The following SOX5 variants were observed in gnomAD, a reference collection of about 807,000 sequenced individuals.
SOX5 encodes the protein SRY-box transcription factor 5, also known as transcription factor SOX-5.
Under a neutral mutation model 92.0 loss-of-function variants are expected in SOX5, and 9 were observed. The observed-to-expected ratio is 0.10, with a 90% CI of 0.06 to 0.17. The LOEUF (loss-of-function observed/expected upper bound fraction) is 0.17. SOX5 is among the 10% of genes least tolerant of loss of function. The probability of loss-of-function intolerance (pLI) is 1.00; values close to 1 mark genes in which losing one functional copy is unlikely to be tolerated. For synonymous variants in SOX5, 344 were observed against 336.3 expected, an observed-to-expected ratio of 1.02 and a Z score of -0.25; for missense variants, 642 against 944.5, an observed-to-expected ratio of 0.68 and a Z score of 4.20.
chr12:24,197,266 T>C (rs1363353906), intron 4 of SOX5, among the ~76,000 whole-genome samples: 2 of 152,180 alleles, frequency 1.3e-5, no homozygotes, highest in African/African-American at 4.8e-5. Context: ...AGACTCTATA[T>C]AAAATATTCC....
Position 23,534,290 on chromosome 12 carries a change from C to T in SOX5, c.2221G>A (p.Glu741Lys), listed in dbSNP as rs1244483195. 3.7e-6 allele frequency: 6 copies of T among 1,614,132 alleles called. No individual in the cohort carries two copies. The highest frequency in any genetic ancestry group is 5.1e-6 in the Non-Finnish European group (6 of 1,179,992). Residue 741 changes from glutamate to lysine, a missense_variant, in exon 15 of 15, where the codon GAG becomes AAG. Around this residue, in one of 8 missense-constraint regions of SOX5, gnomAD observed 130 missense variants for 140.6 expected, o/e 0.92. Coordinates refer to ENST00000451604, the MANE Select transcript of SOX5 (RefSeq NM_006940.6). Reference sequence around the variant, plus strand: ...TCTACATCTGGATCATCCTCTTCCTCGTCGTACTCATCATAAATTTCTCCA... The same window carrying T: ...TCTACATCTGGATCATCCTCTTCCTTGTCGTACTCATCATAAATTTCTCCA... ...INGEIYDEYD[E>K]EEDDPDVDYG...
intron 1 of SOX5, chr12:23,920,249 AAT>A (rs1937763331): frequency 6.6e-6 from 1 of 152,242 alleles, no homozygotes; most frequent in African/African-American, 2.4e-5. Context: ...GAATGTTTTT[AAT>A]AATAGTTGCC....
chr12:24,079,208 A>T (rs1196205691), intron 4 of SOX5, among the ~76,000 whole-genome samples: 2 of 150,080 alleles, frequency 1.3e-5, no homozygotes, highest in Non-Finnish European at 3.0e-5. Context: ...AAAAAAAACC[A>T]GCTTCAGAAT....
intron 3 of SOX5, among the ~76,000 whole-genome samples, chr12:23,825,010 A>T (rs1371121081): frequency 6.6e-6 from 1 of 152,034 alleles, no homozygotes; most frequent in African/African-American, 2.4e-5. Context: ...ATGCCAGTGG[A>T]TCTTGGCTTG....
intron 1 of SOX5, among the ~76,000 whole-genome samples, chr12:24,466,886 C>G (rs1037333445): frequency 6.6e-6 from 1 of 152,206 alleles, no homozygotes; most frequent in Non-Finnish European, 1.5e-5. Flanking sequence ...GAGTAAGTGA[C>G]AGTGCTGGTT....
intron 3 of SOX5, chr12:23,762,709 G>A (rs1416631022): frequency 1.2e-5 from 5 of 425,072 alleles, no homozygotes; most frequent in Non-Finnish European, 1.7e-5. Context: ...TTAGTCATAG[G>A]CTTAAATTTT....
intron 8 of SOX5, among the ~76,000 whole-genome samples, chr12:23,624,018 G>T (rs1387007813): frequency 1.3e-5 from 2 of 152,034 alleles, no homozygotes; most frequent in Non-Finnish European, 1.5e-5. Flanking sequence ...AAAAGGCATG[G>T]AATTCTAACA....
chr12:24,522,170 T>C (rs1950320199), intron 1 of SOX5, among the ~76,000 whole-genome samples: 1 of 151,306 alleles, frequency 6.6e-6, no homozygotes, highest in African/African-American at 2.4e-5. Flanking sequence ...GTGGATAATG[T>C]AGAAAAATAG....
chr12:24,548,506 G>C (rs142633243), intron 1 of SOX5, among the ~76,000 whole-genome samples: 14 of 152,272 alleles, frequency 9.2e-5, no homozygotes, highest in African/African-American at 3.1e-4. Context: ...TAGACACGAG[G>C]CACTACATGT....
chr12:24,107,935 TAC>T (rs1211475677), intron 4 of SOX5, among the ~76,000 whole-genome samples: 1 of 152,180 alleles, frequency 6.6e-6, no homozygotes, highest in African/African-American at 2.4e-5. Flanking sequence ...AGTAAATTCA[TAC>T]AGTGTATAGG....
intron 1 of SOX5, among the ~76,000 whole-genome samples, chr12:23,904,749 T>C (rs897911239): frequency 1.9e-4 from 24 of 128,408 alleles, no homozygotes; most frequent in Non-Finnish European, 3.2e-4. Context: ...TGCCACATGT[T>C]TAGTTTCTGA....
chr12:23,760,280 ACAT>A (rs2094527124), intron 3 of SOX5, among the ~76,000 whole-genome samples: 1 of 152,138 alleles, frequency 6.6e-6, no homozygotes, highest in Admixed American at 6.6e-5. Context: ...GCTTTGCCCA[ACAT>A]CAGCTCATCA....
At chr12:23,634,473 G>T (rs2078962095) in intron 8 of SOX5, among the ~76,000 whole-genome samples, 1 of 151,948 alleles carries the variant, frequency 6.6e-6, no homozygotes, top group Non-Finnish European at 1.5e-5. Flanking sequence ...CCATGCAGAG[G>T]AAAGAGCTAG....
At chr12:24,429,625 T>TACACACAC (rs148679940) in intron 1 of SOX5, among the ~76,000 whole-genome samples, 5 of 140,704 alleles carry the variant, frequency 3.6e-5, no homozygotes, top group African/African-American at 1.1e-4. Flanking sequence ...CACACACACA[T>TACACACAC]ACACACACAC....
chr12:24,542,517 T>C (rs574177240), intron 1 of SOX5, among the ~76,000 whole-genome samples: 4 of 152,318 alleles, frequency 2.6e-5, no homozygotes, highest in African/African-American at 9.6e-5. Context: ...ATGTGCTCCA[T>C]TTCTTCTGCA....
At chr12:23,766,338 A>G (rs1002966416) in intron 3 of SOX5, among the ~76,000 whole-genome samples, 3 of 152,158 alleles carry the variant, frequency 2.0e-5, no homozygotes, top group Admixed American at 1.3e-4. Flanking sequence ...TACAGTATAT[A>G]CTACATATTT....
intron 1 of SOX5, among the ~76,000 whole-genome samples, chr12:24,491,595 G>A (rs922260932): frequency 1.3e-5 from 2 of 152,032 alleles, no homozygotes; most frequent in African/African-American, 2.4e-5. Context: ...GGTAACTAAA[G>A]CATATTAAAT....
At chr12:24,035,682 T>C (rs1260648517) in intron 4 of SOX5, among the ~76,000 whole-genome samples, 2 of 152,116 alleles carry the variant, frequency 1.3e-5, no homozygotes, top group African/African-American at 4.8e-5. Context: ...GTAAATAGTT[T>C]CTTAATAAAA....
rs187113013 is a variant in SOX5, at chr12:23,787,624, A to G, written c.482-31900T>C. Among the ~76,000 whole-genome samples the G allele has an allele frequency of 2.1e-3, 313 of 152,126 alleles. 1 individual carries two copies. The highest frequency in any genetic ancestry group is 7.3e-3 in the African/African-American group (303 of 41,562). Reference sequence around the variant, plus strand: ...ACACCCATTGCTAACATAGAAATTTAAAGTCTTCAGTAAGAGAATATACTC... The same window carrying G: ...ACACCCATTGCTAACATAGAAATTTGAAGTCTTCAGTAAGAGAATATACTC... On this transcript the variant is annotated intron_variant, in intron 3 of 14. Transcript: ENST00000451604.
Sources: gnomAD v4.1 joint callset for allele counts (sites outside exome capture counted in the v4.1 genomes callset) on GRCh38, gnomAD v4.1.1 for gene constraint, gnomAD v4.1.1 regional missense constraint, MANE v1.5 for transcripts, NCBI Gene and HGNC (gene_info 2026-07-23, HGNC 2026-07-21) for gene names.